The following GRID1 variants were observed in gnomAD, a reference collection of about 807,000 sequenced individuals.
GRID1 encodes the protein glutamate ionotropic receptor delta type subunit 1.
GRID1 carries 28 observed loss-of-function variants against 98.0 expected under a neutral mutation model. That is an observed-to-expected ratio of 0.29 (90% CI 0.21 to 0.39). The LOEUF (loss-of-function observed/expected upper bound fraction) is 0.39. Among genes scored for constraint, GRID1 ranks in the 10% least tolerant of loss-of-function variants. The pLI, the probability that GRID1 is intolerant of heterozygous loss-of-function variation, is 1.00. For synonymous variants in GRID1, 553 were observed against 538.5 expected, an observed-to-expected ratio of 1.03 and a Z score of -0.37; for missense variants, 1,111 against 1,340.5, an observed-to-expected ratio of 0.83 and a Z score of 2.67.
chr10:86,075,633 G>T (rs937512941), intron 4 of GRID1, among the ~76,000 whole-genome samples: 1 of 152,168 alleles, frequency 6.6e-6, no homozygotes, highest in Non-Finnish European at 1.5e-5. Flanking sequence ...GTTCCTCCAG[G>T]TGCTTCCCAT....
chr10:86,030,633 G>A (rs1198554878), intron 4 of GRID1, among the ~76,000 whole-genome samples: 2 of 152,174 alleles, frequency 1.3e-5, no homozygotes, highest in Non-Finnish European at 2.9e-5. Context: ...TAGCCAGAAA[G>A]AGTCATCATC....
At chr10:85,842,738 T>C (rs1291139056) in intron 8 of GRID1, among the ~76,000 whole-genome samples, 1 of 152,060 alleles carries the variant, frequency 6.6e-6, no homozygotes, top group Non-Finnish European at 1.5e-5. Context: ...GTTAGAGAAA[T>C]TTAATTTGTA....
At chr10:85,895,850 A>C (rs1841286024) in intron 5 of GRID1, among the ~76,000 whole-genome samples, 1 of 152,198 alleles carries the variant, frequency 6.6e-6, no homozygotes, top group African/African-American at 2.4e-5. Flanking sequence ...GACTCCAAAA[A>C]TGCTCAGCCA....
At position 86,089,768 on chromosome 10, in the gene GRID1, C is replaced by T. The variant is rs574206183; in HGVS notation, c.726+49051G>A. 2.6e-3 allele frequency among the ~76,000 whole-genome samples: 392 copies of T among 150,344 alleles called. 13 individuals carry two copies. The South Asian group carries it at 0.078, about 30-fold the overall frequency. ...AAAAAAATTTTTTTTTTTTTTGAGA[C>T]GGAGTCTCATTCTTGTCACCCAGGC... On this transcript the variant is annotated intron_variant, in intron 4 of 15. Coordinates refer to ENST00000327946, the MANE Select transcript of GRID1 (RefSeq NM_017551.3).
At chr10:85,958,332 C>A (rs1267601885) in intron 4 of GRID1, among the ~76,000 whole-genome samples, 1 of 152,244 alleles carries the variant, frequency 6.6e-6, no homozygotes, top group South Asian at 2.1e-4. Context: ...CATATGAACA[C>A]ACTAAACAAT....
At chr10:86,086,446 G>A (rs1175562973) in intron 4 of GRID1, among the ~76,000 whole-genome samples, 5 of 152,278 alleles carry the variant, frequency 3.3e-5, no homozygotes, top group Non-Finnish European at 4.4e-5. Flanking sequence ...AAATAGGAAC[G>A]ACTGTTCCCA....
intron 3 of GRID1, among the ~76,000 whole-genome samples, chr10:86,140,951 T>C (rs1004675881): frequency 6.6e-6 from 1 of 152,050 alleles, no homozygotes; most frequent in African/African-American, 2.4e-5. Flanking sequence ...TCTCTAGAGA[T>C]GGCAAATGCA....
At chr10:85,930,034 T>C (rs1280397004) in intron 4 of GRID1, among the ~76,000 whole-genome samples, 2 of 152,356 alleles carry the variant, frequency 1.3e-5, no homozygotes, top group Non-Finnish European at 1.5e-5. Context: ...TACTATTCAC[T>C]ACTAAGCCAA....
intron 4 of GRID1, among the ~76,000 whole-genome samples, chr10:86,008,984 T>C (rs538968474): frequency 6.6e-6 from 1 of 152,286 alleles, no homozygotes; most frequent in East Asian, 1.9e-4. Flanking sequence ...AACAGGAGAA[T>C]GGATTACAAA....
At chr10:85,900,259 G>A (rs1841362017) in intron 5 of GRID1, among the ~76,000 whole-genome samples, 2 of 152,172 alleles carry the variant, frequency 1.3e-5, no homozygotes, top group Non-Finnish European at 2.9e-5. Flanking sequence ...GTGCAGGCGC[G>A]CTTGCTTCTC....
intron 15 of GRID1, chr10:85,606,607 C>A (rs544753989): frequency 6.6e-6 from 1 of 152,322 alleles, no homozygotes; most frequent in African/African-American, 2.4e-5. Context: ...GGAGCCAGAG[C>A]TGAGGTGCGC....
rs35691322 is a variant in GRID1, at chr10:85,766,730, T to TTGTGTGTGTGTG, written c.1234-37128_1234-37117dup. On this transcript the variant is annotated intron_variant, in intron 8 of 15. Coordinates refer to ENST00000327946, the MANE Select transcript of GRID1 (RefSeq NM_017551.3). The stretch of plus-strand genomic sequence containing the variant: ...ATGGAACTGTGTGAAAGGCAGATGA[T>TTGTGTGTGTGTG]TGTGTGTGTGTGTGTGTGTGTGTGT... 1.3e-3 allele frequency among the ~76,000 whole-genome samples: 178 copies of TTGTGTGTGTGTG among 138,438 alleles called. 1 individual carries two copies. Among genetic ancestry groups the TTGTGTGTGTGTG allele is most frequent in the East Asian group, 4.4e-3 (20 of 4,504 alleles). The allele number at this position is 138,438 out of a possible 152,430, so 90.8% of individuals were successfully genotyped here.
chr10:85,908,933 T>C (rs1841498886), intron 5 of GRID1, among the ~76,000 whole-genome samples: 1 of 152,178 alleles, frequency 6.6e-6, no homozygotes, highest in Non-Finnish European at 1.5e-5. Flanking sequence ...ATTGATAAGT[T>C]AAACTTCATA....
intron 3 of GRID1, among the ~76,000 whole-genome samples, chr10:86,183,867 AT>A (rs1171855505): frequency 6.6e-6 from 1 of 152,228 alleles, no homozygotes; most frequent in Non-Finnish European, 1.5e-5. Flanking sequence ...CTGGTAGTGC[AT>A]TTTACATTAT....
At chr10:86,357,450 A>G (rs1848547775) in intron 2 of GRID1, among the ~76,000 whole-genome samples, 1 of 152,186 alleles carries the variant, frequency 6.6e-6, no homozygotes, top group Non-Finnish European at 1.5e-5. Context: ...CAACCTCCCA[A>G]TCTAGAGGGC....
intron 4 of GRID1, among the ~76,000 whole-genome samples, chr10:86,039,519 T>G (rs1843316565): frequency 6.6e-6 from 1 of 152,242 alleles, no homozygotes; most frequent in African/African-American, 2.4e-5. Flanking sequence ...TTTCTTCACC[T>G]TTCACAAGCT....
At position 85,931,242 on chromosome 10, in the gene GRID1, C is replaced by A. The variant is rs149439934; in HGVS notation, c.727-15003G>T. ...TTCCTCCTCCTTCCTTCCCTCTCCC[C>A]CTGCCCTACCCCTCTACCCAGTGCC... On this transcript the variant is annotated intron_variant, in intron 4 of 15. Transcript: ENST00000327946. Among the ~76,000 whole-genome samples the A allele has an allele frequency of 8.5e-5, 13 of 152,244 alleles. No individual in the cohort carries two copies. The East Asian group carries it at 2.1e-3, about 25-fold the overall frequency.
At chr10:86,175,619 C>G (rs1845564448) in intron 3 of GRID1, among the ~76,000 whole-genome samples, 1 of 152,204 alleles carries the variant, frequency 6.6e-6, no homozygotes, top group Non-Finnish European at 1.5e-5. Flanking sequence ...GACACTCACA[C>G]CAATGCACCT....
At chr10:85,951,322 C>G (rs1300417347) in intron 4 of GRID1, among the ~76,000 whole-genome samples, 6 of 152,192 alleles carry the variant, frequency 3.9e-5, no homozygotes, top group Non-Finnish European at 5.9e-5. Flanking sequence ...AAAGGACAAG[C>G]AGCACCAGTG....
Sources: allele counts gnomAD v4.1 joint callset (sites outside exome capture counted in the v4.1 genomes callset), GRCh38; gene constraint gnomAD v4.1.1; transcripts MANE v1.5; gene names NCBI Gene and HGNC (gene_info 2026-07-23, HGNC 2026-07-21).